DTNA: variants seen among roughly 807,000 people sequenced by gnomAD.
DTNA encodes dystrophin-related protein 3.
DTNA carries 43 observed loss-of-function variants against 100.7 expected under a neutral mutation model. The observed-to-expected ratio is 0.43, with a 90% CI of 0.33 to 0.55. The LOEUF (loss-of-function observed/expected upper bound fraction) is 0.55, where lower values mean the gene tolerates loss of function less well. Ranked by LOEUF, DTNA falls within the 20% of genes least tolerant of loss-of-function variation. The probability of loss-of-function intolerance (pLI) is 0.04; values close to 1 mark genes in which losing one functional copy is unlikely to be tolerated. For missense variants in DTNA, 798 were observed against 953.9 expected (o/e 0.84, Z 2.15); for synonymous variants, 349 against 347.9 (o/e 1.00, Z -0.04).
intron 1 of DTNA, among the ~76,000 whole-genome samples, chr18:34,520,940 A>G (rs931510408): frequency 6.6e-6 from 1 of 152,192 alleles, no homozygotes; most frequent in Non-Finnish European, 1.5e-5. Context: ...GTAACATCTT[A>G]GAGGCAAAAG....
chr18:34,769,134 T>C (rs2093634540), intron 3 of DTNA, among the ~76,000 whole-genome samples: 3 of 152,304 alleles, frequency 2.0e-5, no homozygotes, highest in Admixed American at 6.5e-5. Flanking sequence ...TTTGCTAAAT[T>C]AAGGTTTTAA....
chr18:34,624,301 A>G (rs1416582267), intron 1 of DTNA, among the ~76,000 whole-genome samples: 2 of 152,220 alleles, frequency 1.3e-5, no homozygotes, highest in African/African-American at 4.8e-5. Flanking sequence ...GTAAATAACA[A>G]TAATGTAAAA....
intron 1 of DTNA, among the ~76,000 whole-genome samples, chr18:34,690,962 A>G (rs1002981896): frequency 9.9e-5 from 15 of 152,174 alleles, no homozygotes; most frequent in African/African-American, 3.6e-4. Context: ...TCGGGTTCAC[A>G]GAAGTTAAAT....
rs1427916085 is a variant in DTNA at position 34,839,554 on chromosome 18, G to A, written c.1346+717G>A. ...TGATATTAATAATAAATGTGGATTT[G>A]CAGCTTGAATTAAAGGAAAAGGACA... On this transcript the variant is annotated intron_variant, in intron 13 of 22. Transcript: ENST00000444659. 2.6e-5 allele frequency among the ~76,000 whole-genome samples: 4 copies of A among 152,248 alleles called. No individual in the cohort carries two copies. The East Asian group carries it at 7.7e-4, about 29-fold the overall frequency.
intron 1 of DTNA, among the ~76,000 whole-genome samples, chr18:34,677,139 G>T (rs951101579): frequency 6.6e-6 from 1 of 152,140 alleles, no homozygotes; most frequent in Non-Finnish European, 1.5e-5. Flanking sequence ...GATATATGGG[G>T]TGAAGTGGGG....
intron 1 of DTNA, among the ~76,000 whole-genome samples, chr18:34,551,297 T>A (rs572879068): frequency 1.3e-5 from 2 of 152,198 alleles, no homozygotes; most frequent in East Asian, 3.9e-4. Context: ...AAAAAACAAG[T>A]CAAGTGGTTC....
chr18:34,605,069 G>A (rs1305779355), intron 1 of DTNA, among the ~76,000 whole-genome samples: 1 of 150,676 alleles, frequency 6.6e-6, no homozygotes, highest in Non-Finnish European at 1.5e-5. Flanking sequence ...TTTACAAAAT[G>A]GAAAAACAAT....
At chr18:34,791,274 T>G (rs1173381615) in intron 3 of DTNA, among the ~76,000 whole-genome samples, 3 of 152,074 alleles carry the variant, frequency 2.0e-5, no homozygotes, top group Non-Finnish European at 4.4e-5. Flanking sequence ...CCTCCCATGC[T>G]CAAGTTCCCA....
At chr18:34,612,735 C>T (rs2054478813) in intron 1 of DTNA, among the ~76,000 whole-genome samples, 1 of 152,192 alleles carries the variant, frequency 6.6e-6, no homozygotes, top group African/African-American at 2.4e-5. Context: ...TCATGGTGCT[C>T]AGCTTGCCTG....
At chr18:34,538,414 G>C (rs2043928845) in intron 1 of DTNA, among the ~76,000 whole-genome samples, 1 of 152,006 alleles carries the variant, frequency 6.6e-6, no homozygotes, top group Admixed American at 6.6e-5. Context: ...CTTTATCCTA[G>C]TAAAATACTG....
chr18:34,814,219 T>G (rs1290434097), intron 6 of DTNA, among the ~76,000 whole-genome samples: 4 of 152,200 alleles, frequency 2.6e-5, no homozygotes, highest in African/African-American at 9.7e-5. Context: ...GAAATGTAAC[T>G]ACCTGTTGTA....
At chr18:34,664,821 G>T (rs2075677417) in intron 1 of DTNA, among the ~76,000 whole-genome samples, 1 of 151,984 alleles carries the variant, frequency 6.6e-6, no homozygotes, top group Non-Finnish European at 1.5e-5. Context: ...AATATTGATA[G>T]GTATAATAAA....
At chr18:34,534,669 G>A (rs1410162343) in intron 1 of DTNA, among the ~76,000 whole-genome samples, 4 of 151,850 alleles carry the variant, frequency 2.6e-5, no homozygotes, top group African/African-American at 9.7e-5. Flanking sequence ...ACAGGCTCTG[G>A]TGCGTGATGT....
chr18:34,613,098 A>G (rs1417377607), intron 1 of DTNA, among the ~76,000 whole-genome samples: 3 of 152,138 alleles, frequency 2.0e-5, no homozygotes, highest in African/African-American at 7.2e-5. Context: ...AATTCCCACA[A>G]TATTTCAAAC....
At position 34,755,994 on chromosome 18, in the gene DTNA, G is replaced by A. The variant is rs1322576839; in HGVS notation, c.18G>A (p.Gly6=). The change falls in exon 2 of 23, where the codon GGG becomes GGA. Residue 6 remains glycine, a synonymous_variant. Transcript: ENST00000444659. Reference sequence around the variant, plus strand: ...CTCATAGAATGATTGAAGATAGTGGGAAAAGAGGAAATACCATGGCAGAAA... The same window carrying A: ...CTCATAGAATGATTGAAGATAGTGGAAAAAGAGGAAATACCATGGCAGAAA... MIEDS[G]KRGNTMAERR... is the part of the protein sequence containing the mutation. 3 of 1,613,300 alleles carry A rather than the reference G, an allele frequency of 1.9e-6. No individual in the cohort carries two copies. The highest frequency in any genetic ancestry group is 3.3e-5 in the Admixed American group (2 of 60,000).
intron 1 of DTNA, among the ~76,000 whole-genome samples, chr18:34,722,432 A>G (rs2085540899): frequency 6.6e-6 from 1 of 152,138 alleles, no homozygotes; most frequent in South Asian, 2.1e-4. Flanking sequence ...ATTTTCATTC[A>G]TACTACAAAA....
intron 1 of DTNA, among the ~76,000 whole-genome samples, chr18:34,564,608 A>G (rs530797022): frequency 6.6e-6 from 1 of 152,356 alleles, no homozygotes; most frequent in Non-Finnish European, 1.5e-5. Flanking sequence ...GAAATTATGC[A>G]TATTATCTCC....
At chr18:34,556,156 G>C (rs1311326327) in intron 1 of DTNA, among the ~76,000 whole-genome samples, 7 of 151,330 alleles carry the variant, frequency 4.6e-5, no homozygotes, top group Admixed American at 4.6e-4. Flanking sequence ...ATCTTTGTTG[G>C]TTTAAGGTCT....
At chr18:34,748,711 T>C (rs1035810314) in intron 1 of DTNA, among the ~76,000 whole-genome samples, 1 of 152,236 alleles carries the variant, frequency 6.6e-6, no homozygotes, top group Admixed American at 6.5e-5. Flanking sequence ...AATGATAGTC[T>C]TGTAGTTTAA....
Sources: allele counts gnomAD v4.1 joint callset (sites outside exome capture counted in the v4.1 genomes callset), GRCh38; gene constraint gnomAD v4.1.1; transcripts MANE v1.5; gene names NCBI Gene and HGNC (gene_info 2026-07-23, HGNC 2026-07-21).